KCNH1: variants seen among roughly 807,000 people sequenced by gnomAD.
The protein encoded by KCNH1 is voltage-gated delayed rectifier potassium channel KCNH1.
In KCNH1, 27 loss-of-function variants were observed where a neutral mutation model predicts 69.2. That is an observed-to-expected ratio of 0.39 (90% CI 0.29 to 0.54). KCNH1 has a LOEUF of 0.54. Ranked by LOEUF, KCNH1 falls within the 20% of genes least tolerant of loss-of-function variation. The pLI, the probability that KCNH1 is intolerant of heterozygous loss-of-function variation, is 0.68. For missense variants in KCNH1, 798 were observed against 1,261.6 expected (o/e 0.63, Z 5.57); for synonymous variants, 456 against 487.7 (o/e 0.93, Z 0.86).
intron 9 of KCNH1, among the ~76,000 whole-genome samples, chr1:210,785,397 G>GTTT (rs34506008): frequency 7.1e-6 from 1 of 141,424 alleles, no homozygotes; most frequent in African/African-American, 2.6e-5. Context: ...CTCTTACTCT[G>GTTT]TTTTTTTTTT....
In KCNH1 at chr1:210,919,620, C is replaced by T; in HGVS notation, c.1462+20G>A. ...TAACAGAAGAGATGGCCAACCCCAC[C>T]CCAGCACTGTCATACTTACAGCCAA... On this transcript the variant is annotated intron_variant, in intron 7 of 10. Transcript: ENST00000271751. The surrounding 1 kb of genome is among the most constrained non-coding windows in gnomAD (Gnocchi z 4.2). 1 of 1,599,658 alleles carries T rather than the reference C, an allele frequency of 6.3e-7. No homozygotes were observed.
chr1:210,928,304 C>T (rs546395673), intron 6 of KCNH1, among the ~76,000 whole-genome samples: 1 of 152,232 alleles, frequency 6.6e-6, no homozygotes, highest in East Asian at 1.9e-4. Flanking sequence ...CAAGATAGAC[C>T]ATATGATAGG....
intron 10 of KCNH1, among the ~76,000 whole-genome samples, chr1:210,728,134 T>G (rs1422115030): frequency 6.6e-6 from 1 of 152,204 alleles, no homozygotes; most frequent in Non-Finnish European, 1.5e-5. Context: ...AGGCTCTTCC[T>G]GAAGGAAGGT....
chr1:210,840,896 C>T (rs1305189636), intron 7 of KCNH1, among the ~76,000 whole-genome samples: 1 of 152,130 alleles, frequency 6.6e-6, no homozygotes, highest in African/African-American at 2.4e-5. Flanking sequence ...TGTTGGTGAT[C>T]AGACTTCACT....
At chr1:210,746,556 T>C (rs539180792) in intron 10 of KCNH1, among the ~76,000 whole-genome samples, 5 of 131,448 alleles carry the variant, frequency 3.8e-5, no homozygotes, top group African/African-American at 1.4e-4. Flanking sequence ...CACAATCTTT[T>C]CTTTCTTTCT....
At position 210,885,716 on chromosome 1, in the gene KCNH1, G is replaced by A. The variant is rs146979479; in HGVS notation, c.1462+33924C>T. On this transcript the variant is annotated intron_variant, in intron 7 of 10. Coordinates refer to ENST00000271751, the MANE Select transcript of KCNH1 (RefSeq NM_172362.3). ...ACTTGAGCTTGGTAGGGGGAGAGGC[G>A]TCCACCATTACTGAGCCTTGAGTAG... 4.1e-3 allele frequency among the ~76,000 whole-genome samples: 620 copies of A among 152,194 alleles called. 3 individuals are homozygous for A. The highest frequency in any genetic ancestry group is 6.8e-3 in the Non-Finnish European group (461 of 67,992).
intron 8 of KCNH1, 118 bp downstream of exon 8, chr1:210,803,849 A>G: frequency 2.4e-6 from 2 of 847,100 alleles, no homozygotes; most frequent in Non-Finnish European, 3.8e-6. Flanking sequence ...GGAATCCCAA[A>G]GTACTCAAGT....
At chr1:211,037,625 C>G (rs1689921486) in intron 5 of KCNH1, among the ~76,000 whole-genome samples, 1 of 152,060 alleles carries the variant, frequency 6.6e-6, no homozygotes, top group Admixed American at 6.5e-5. Context: ...GGCACCATCT[C>G]CCACTGTGGA....
At chr1:210,952,169 G>A (rs1558538370) in intron 6 of KCNH1, among the ~76,000 whole-genome samples, 1 of 152,128 alleles carries the variant, frequency 6.6e-6, no homozygotes, top group Non-Finnish European at 1.5e-5. Flanking sequence ...CTAAGGAATT[G>A]TCACTTCACA....
Position 210,997,423 on chromosome 1 carries a change from T to C in KCNH1, c.1032+21360A>G, listed in dbSNP as rs569213736. On this transcript the variant is annotated intron_variant, in intron 6 of 10. Transcript: ENST00000271751. ...AAGAAAGGGTATCAGTGATGGAAGATGAAATGAATGAAACGAAGCGAGAAG... is the reference window on the plus strand; with the variant it reads ...AAGAAAGGGTATCAGTGATGGAAGACGAAATGAATGAAACGAAGCGAGAAG... 7.8e-4 allele frequency among the ~76,000 whole-genome samples: 118 copies of C among 151,944 alleles called. 1 individual carries two copies. Among genetic ancestry groups the C allele is most frequent in the Admixed American group, 6.4e-3 (98 of 15,260 alleles).
intron 10 of KCNH1, among the ~76,000 whole-genome samples, chr1:210,698,441 TAC>T (rs1225714915): frequency 6.6e-6 from 1 of 152,004 alleles, no homozygotes; most frequent in South Asian, 2.1e-4. Context: ...GAAGAATAGA[TAC>T]ACCATAACCA....
intron 6 of KCNH1, among the ~76,000 whole-genome samples, chr1:210,934,394 T>C (rs34618120): frequency 0.64 from 97,823 of 152,120 alleles, 31,691 homozygotes; most frequent in East Asian, 0.82. Context: ...GTGGCTCACG[T>C]CTGTAATTCC....
At chr1:210,951,468 G>A (rs1305792249) in intron 6 of KCNH1, among the ~76,000 whole-genome samples, 1 of 152,156 alleles carries the variant, frequency 6.6e-6, no homozygotes, top group Non-Finnish European at 1.5e-5. Flanking sequence ...TGCTGTGATC[G>A]CACTCCTCTG....
At chr1:211,131,285 G>A (rs1173071917) in intron 1 of KCNH1, among the ~76,000 whole-genome samples, 1 of 152,058 alleles carries the variant, frequency 6.6e-6, no homozygotes, top group Admixed American at 6.5e-5. Flanking sequence ...TATCATATGA[G>A]AAGTTTTTAA....
At position 211,075,807 on chromosome 1, in the gene KCNH1, G is replaced by A. The variant is rs555885242; in HGVS notation, c.558+6973C>T. 5.3e-4 allele frequency among the ~76,000 whole-genome samples: 80 copies of A among 152,352 alleles called. 1 individual carries two copies. Among genetic ancestry groups the A allele is most frequent in the African/African-American group, 1.5e-3 (63 of 41,582 alleles). On this transcript the variant is annotated intron_variant, in intron 5 of 10. Coordinates refer to ENST00000271751, the MANE Select transcript of KCNH1 (RefSeq NM_172362.3). ...CCTCACCCAGGAAGTGCAAGGGATC[G>A]GGGGATTTCCCTTTCCTAGCCAAGG...
At chr1:210,981,029 C>A (rs1370773554) in intron 6 of KCNH1, among the ~76,000 whole-genome samples, 1 of 152,048 alleles carries the variant, frequency 6.6e-6, no homozygotes, top group Admixed American at 6.6e-5. Flanking sequence ...ATAAACATCC[C>A]ATAATAGGAA....
intron 7 of KCNH1, among the ~76,000 whole-genome samples, chr1:210,917,695 C>T (rs1373493736): frequency 6.6e-6 from 1 of 152,126 alleles, no homozygotes; most frequent in Non-Finnish European, 1.5e-5. Flanking sequence ...CAAAGTGGCT[C>T]ATCTCCCCCT....
chr1:210,899,543 G>A (rs940493691), intron 7 of KCNH1, among the ~76,000 whole-genome samples: 1 of 151,902 alleles, frequency 6.6e-6, no homozygotes, highest in African/African-American at 2.4e-5. Context: ...AGCTCTTTGG[G>A]ATTTGGGGAT....
In KCNH1 at chr1:210,860,724, A is replaced by G. The variant is rs1004882895; in HGVS notation, c.1463-56558T>C. 8 of 780,984 alleles carry G rather than the reference A, an allele frequency of 1.0e-5. No homozygotes were observed. The Admixed American group carries it at 1.4e-4, about 14-fold the overall frequency. 48.4% of individuals were successfully genotyped at this position (780,984 alleles called of 1,614,324 possible). On this transcript the variant is annotated intron_variant, in intron 7 of 10. Coordinates refer to ENST00000271751, the MANE Select transcript of KCNH1 (RefSeq NM_172362.3). ...GATTGCTGATAAATACTTGAAGGAC[A>G]ATGGCAGCTTCCACTTTCACAGGCA...
Sources: allele counts gnomAD v4.1 joint callset (sites outside exome capture counted in the v4.1 genomes callset), GRCh38; gene constraint gnomAD v4.1.1; non-coding constraint Gnocchi (gnomAD v3.1); transcripts MANE v1.5; gene names NCBI Gene and HGNC (gene_info 2026-07-23, HGNC 2026-07-21).